KCNH7: variants seen among roughly 807,000 people sequenced by gnomAD.
The protein encoded by KCNH7 is voltage-gated inwardly rectifying potassium channel KCNH7.
A neutral mutation model predicts 120.8 loss-of-function variants in KCNH7; 49 were observed. The ratio of observed to expected loss-of-function variants is 0.41; its 90% CI spans 0.32 to 0.51. The LOEUF (loss-of-function observed/expected upper bound fraction) is 0.51, where lower values mean the gene tolerates loss of function less well. Among genes scored for constraint, KCNH7 ranks in the 20% least tolerant of loss-of-function variants. The pLI is 0.38. For synonymous variants in KCNH7, 547 were observed against 516.1 expected (o/e 1.06, Z -0.81); for missense variants, 1,097 against 1,446.6 (o/e 0.76, Z 3.92).
chr2:162,380,054 C>A, intron 13 of KCNH7, 33 bp from the exon 14 acceptor site: 1 of 1,608,580 alleles, frequency 6.2e-7, no homozygotes, highest in Non-Finnish European at 8.5e-7. Flanking sequence ...TGTCAACACT[C>A]TTAGGTGCCC....
At chr2:162,767,695 G>A (rs746006315) in intron 2 of KCNH7, among the ~76,000 whole-genome samples, 2 of 151,972 alleles carry the variant, frequency 1.3e-5, no homozygotes, top group African/African-American at 4.8e-5. Flanking sequence ...TAAGTGGGCC[G>A]TTTTCTCAGT....
At chr2:162,537,585 T>C (rs1692151875) in intron 2 of KCNH7, among the ~76,000 whole-genome samples, 1 of 152,088 alleles carries the variant, frequency 6.6e-6, no homozygotes, top group South Asian at 2.1e-4. Flanking sequence ...TATGTTACAG[T>C]AATTCTTTTC....
intron 6 of KCNH7, among the ~76,000 whole-genome samples, chr2:162,464,825 C>T (rs1348774316): frequency 6.6e-6 from 1 of 152,014 alleles, no homozygotes; most frequent in Non-Finnish European, 1.5e-5. Context: ...TTAACCCTCT[C>T]ATATACAGAT....
chr2:162,725,233 T>A (rs1420943917), intron 2 of KCNH7, among the ~76,000 whole-genome samples: 1 of 152,190 alleles, frequency 6.6e-6, no homozygotes, highest in East Asian at 1.9e-4. Context: ...ATGCAATTAA[T>A]CATATTCCTA....
intron 2 of KCNH7, among the ~76,000 whole-genome samples, chr2:162,753,006 A>G (rs539219408): frequency 1.0e-4 from 15 of 146,266 alleles, no homozygotes; most frequent in Middle Eastern, 3.7e-3. Context: ...AAGAAAAGAA[A>G]AGAAAAGAAA....
At chr2:162,783,948 G>T (rs2105501222) in intron 2 of KCNH7, among the ~76,000 whole-genome samples, 1 of 151,936 alleles carries the variant, frequency 6.6e-6, no homozygotes, top group South Asian at 2.1e-4. Flanking sequence ...AATGTATTGA[G>T]TCCACTCTAG....
intron 2 of KCNH7, among the ~76,000 whole-genome samples, chr2:162,587,866 C>T (rs948236984): frequency 2.0e-5 from 3 of 152,058 alleles, no homozygotes; most frequent in Non-Finnish European, 4.4e-5. Flanking sequence ...TTTTCTCACA[C>T]CCTAAGAACA....
At chr2:162,470,392 G>A (rs1427371099) in intron 6 of KCNH7, among the ~76,000 whole-genome samples, 12 of 149,818 alleles carry the variant, frequency 8.0e-5, no homozygotes, top group South Asian at 2.1e-4. Context: ...GTCTCTGCCC[G>A]GCCGCCCCGT....
chr2:162,796,484 C>T (rs1384180992), intron 2 of KCNH7: 6 of 152,108 alleles, frequency 3.9e-5, no homozygotes, highest in Non-Finnish European at 7.4e-5. Context: ...AGTGTGCTTA[C>T]GTACTTCACT....
chr2:162,586,663 C>CTTT (rs1468070812), intron 2 of KCNH7, among the ~76,000 whole-genome samples: 1 of 148,026 alleles, frequency 6.8e-6, no homozygotes, highest in Non-Finnish European at 1.5e-5. Context: ...CGGTTTCTTT[C>CTTT]CTTTTTTTTT....
intron 2 of KCNH7, among the ~76,000 whole-genome samples, chr2:162,804,520 C>T (rs377429256): frequency 6.6e-6 from 1 of 151,758 alleles, no homozygotes; most frequent in African/African-American, 2.4e-5. Context: ...CAAAAAACAA[C>T]CTAGGAATGT....
intron 2 of KCNH7, among the ~76,000 whole-genome samples, chr2:162,586,421 G>A (rs911665744): frequency 6.6e-6 from 1 of 152,026 alleles, no homozygotes; most frequent in African/African-American, 2.4e-5. Flanking sequence ...CATCCCAGGT[G>A]AGCCCTCAAA....
intron 2 of KCNH7, among the ~76,000 whole-genome samples, chr2:162,578,131 A>C (rs1051068850): frequency 6.6e-6 from 1 of 152,028 alleles, no homozygotes; most frequent in Non-Finnish European, 1.5e-5. Flanking sequence ...ATGTGCCCTT[A>C]GTGATTTGGG....
At chr2:162,505,542 A>T (rs1322278267) in intron 5 of KCNH7, among the ~76,000 whole-genome samples, 3 of 151,914 alleles carry the variant, frequency 2.0e-5, no homozygotes, top group Admixed American at 2.0e-4. Context: ...TTGTTGAGGG[A>T]GTAGACTGAC....
chr2:162,496,737 A>C (rs1400836931), intron 6 of KCNH7, among the ~76,000 whole-genome samples: 1 of 152,206 alleles, frequency 6.6e-6, no homozygotes, highest in East Asian at 1.9e-4. Context: ...TCTTTATACA[A>C]ATAATTGTTG....
chr2:162,390,721 C>G (rs900251879), intron 12 of KCNH7, among the ~76,000 whole-genome samples: 1 of 151,848 alleles, frequency 6.6e-6, no homozygotes, highest in Non-Finnish European at 1.5e-5. Context: ...TTGAAGATAC[C>G]TTTAAAAATA....
chr2:162,478,244 A>G (rs778429624), intron 6 of KCNH7, among the ~76,000 whole-genome samples: 6 of 152,092 alleles, frequency 3.9e-5, no homozygotes, highest in African/African-American at 7.2e-5. Context: ...GCAAGAAGCT[A>G]TGTCCATTTT....
intron 2 of KCNH7, among the ~76,000 whole-genome samples, chr2:162,721,574 G>T (rs1687325848): frequency 6.6e-6 from 1 of 152,054 alleles, no homozygotes; most frequent in Non-Finnish European, 1.5e-5. Context: ...GAAAAATTGT[G>T]TAATACATGC....
chr2:162,698,437 T>C (rs555535507), intron 2 of KCNH7, among the ~76,000 whole-genome samples: 1 of 150,446 alleles, frequency 6.6e-6, no homozygotes, highest in Non-Finnish European at 1.5e-5. Context: ...GTCTTTATTT[T>C]TTTTTTTTTA....
Sources: gnomAD v4.1 joint callset for allele counts (sites outside exome capture counted in the v4.1 genomes callset) on GRCh38, gnomAD v4.1.1 for gene constraint, MANE v1.5 for transcripts, NCBI Gene and HGNC (gene_info 2026-07-23, HGNC 2026-07-21) for gene names.